Variants in CDH8 observed in about 807,000 individuals in gnomAD.
CDH8 encodes the protein cadherin-8.
A neutral mutation model predicts 68.1 loss-of-function variants in CDH8; 17 were observed. The ratio of observed to expected loss-of-function variants is 0.25; its 90% CI spans 0.17 to 0.37. CDH8 has a LOEUF of 0.37. Ranked by LOEUF, CDH8 falls within the 10% of genes least tolerant of loss-of-function variation. The pLI is 1.00. For missense variants in CDH8, 763 were observed against 999.3 expected, an observed-to-expected ratio of 0.76 and a Z score of 3.19; for synonymous variants, 372 against 365.1, an observed-to-expected ratio of 1.02 and a Z score of -0.21.
At chr16:61,736,965 C>T (rs1168311577) in intron 8 of CDH8, among the ~76,000 whole-genome samples, 1 of 152,138 alleles carries the variant, frequency 6.6e-6, no homozygotes, top group Non-Finnish European at 1.5e-5. Flanking sequence ...ATCAATTGGT[C>T]ACAAAAGTCA....
intron 10 of CDH8, among the ~76,000 whole-genome samples, chr16:61,699,762 A>T (rs774008999): frequency 3.3e-5 from 5 of 151,936 alleles, no homozygotes; most frequent in African/African-American, 9.7e-5. Flanking sequence ...TTTAGCAGAG[A>T]TGGGGGTTTC....
chr16:61,890,712 A>T (rs1963760498), intron 3 of CDH8, among the ~76,000 whole-genome samples: 1 of 152,274 alleles, frequency 6.6e-6, no homozygotes, highest in African/African-American at 2.4e-5. Context: ...TACCAATATT[A>T]TCCCTTGTGA....
At chr16:61,963,936 C>T (rs1965201921) in intron 2 of CDH8, among the ~76,000 whole-genome samples, 1 of 152,186 alleles carries the variant, frequency 6.6e-6, no homozygotes, top group African/African-American at 2.4e-5. Context: ...GGCTCTCGGG[C>T]ATTTCTCTCT....
intron 10 of CDH8, chr16:61,692,826 C>G (rs1257191230): frequency 6.6e-6 from 1 of 152,026 alleles, no homozygotes; most frequent in Non-Finnish European, 1.5e-5. Context: ...AAGCTTTGAG[C>G]AAATGCTGGA....
intron 2 of CDH8, among the ~76,000 whole-genome samples, chr16:61,912,576 T>C (rs1339381695): frequency 1.3e-5 from 2 of 152,108 alleles, no homozygotes; most frequent in Non-Finnish European, 2.9e-5. Flanking sequence ...GAGGAATGTA[T>C]GGGTGGATGA....
intron 2 of CDH8, among the ~76,000 whole-genome samples, chr16:61,988,767 C>T (rs1369546445): frequency 2.6e-5 from 4 of 152,082 alleles, no homozygotes; most frequent in Non-Finnish European, 4.4e-5. Context: ...ATAAGTGAAT[C>T]CTTTGAGACC....
intron 1 of CDH8, among the ~76,000 whole-genome samples, chr16:62,032,524 G>GT (rs1312527415): frequency 1.3e-5 from 2 of 152,210 alleles, no homozygotes; most frequent in East Asian, 3.9e-4. Flanking sequence ...AAAGAAAATT[G>GT]TTTTTCTCCA....
At chr16:61,981,648 ATGTGTGTGTG>A (rs750036103) in intron 2 of CDH8, among the ~76,000 whole-genome samples, 31 of 146,720 alleles carry the variant, frequency 2.1e-4, no homozygotes, top group African/African-American at 6.8e-4. Context: ...CTTGAAAAGA[ATGTGTGTGTG>A]TGTGTGTGTG....
chr16:61,726,758 T>C (rs1200642314), intron 9 of CDH8: 4 of 368,670 alleles, frequency 1.1e-5, no homozygotes, highest in Non-Finnish European at 1.9e-5. Flanking sequence ...GGTTTTACCT[T>C]GCTTCTTGTC....
chr16:61,965,084 T>C (rs1965223984), intron 2 of CDH8, among the ~76,000 whole-genome samples: 1 of 152,160 alleles, frequency 6.6e-6, no homozygotes, highest in African/African-American at 2.4e-5. Context: ...GTTCATCCTC[T>C]GGCTTTGGGG....
intron 8 of CDH8, among the ~76,000 whole-genome samples, chr16:61,745,840 T>C (rs1255259744): frequency 1.3e-5 from 2 of 152,106 alleles, no homozygotes; most frequent in Admixed American, 1.3e-4. Flanking sequence ...TATTGTCTTT[T>C]TTCTGACTGT....
rs77128564 is a variant in CDH8 at position 61,889,151 on chromosome 16, C to T, written c.547+12028G>A. On this transcript the variant is annotated intron_variant, in intron 3 of 11. Transcript: ENST00000577390. Reference sequence around the variant, plus strand: ...CATAGCTATATATTTTCACCTGCAGCCTCATGTTGTAAATATCTGTTGTCT... The same window carrying T: ...CATAGCTATATATTTTCACCTGCAGTCTCATGTTGTAAATATCTGTTGTCT... 2.4e-4 allele frequency among the ~76,000 whole-genome samples: 37 copies of T among 152,186 alleles called. No homozygotes were observed. In the East Asian group the frequency reaches 7.2e-3, roughly 29 times the overall value.
At chr16:61,736,353 A>C (rs1390542662) in intron 8 of CDH8, among the ~76,000 whole-genome samples, 1 of 152,178 alleles carries the variant, frequency 6.6e-6, no homozygotes, top group African/African-American at 2.4e-5. Context: ...TATGGCAATG[A>C]GCCAGATATA....
At chr16:61,783,966 C>G (rs1449338249) in intron 8 of CDH8, among the ~76,000 whole-genome samples, 1 of 152,170 alleles carries the variant, frequency 6.6e-6, no homozygotes, top group Non-Finnish European at 1.5e-5. Flanking sequence ...CAACCGGTAC[C>G]AGCTGCTGCA....
intron 2 of CDH8, among the ~76,000 whole-genome samples, chr16:62,000,700 T>C (rs895593951): frequency 2.6e-5 from 4 of 152,192 alleles, no homozygotes; most frequent in African/African-American, 9.6e-5. Context: ...ATAAAGCCTT[T>C]GGCCAAAATG....
chr16:61,984,160 C>T (rs1264838796), intron 2 of CDH8, among the ~76,000 whole-genome samples: 1 of 151,982 alleles, frequency 6.6e-6, no homozygotes. Context: ...CCTGGTGATC[C>T]GCCCACCTCG....
chr16:61,663,504 C>A (rs542286007), intron 10 of CDH8, among the ~76,000 whole-genome samples: 103 of 151,970 alleles, frequency 6.8e-4, no homozygotes, highest in African/African-American at 2.4e-3. Flanking sequence ...ATATAAGCCC[C>A]TTGAGGCCGA....
intron 3 of CDH8, among the ~76,000 whole-genome samples, chr16:61,882,040 C>T (rs1203728154): frequency 6.6e-6 from 1 of 152,102 alleles, no homozygotes; most frequent in East Asian, 1.9e-4. Flanking sequence ...TAGAATTAAT[C>T]AAGAATATAT....
chr16:61,834,256 T>C (rs1200555477), intron 4 of CDH8, among the ~76,000 whole-genome samples: 1 of 151,842 alleles, frequency 6.6e-6, no homozygotes, highest in Non-Finnish European at 1.5e-5. Flanking sequence ...ACAGAGCCAC[T>C]AAGTGTGTGT....
Sources: gnomAD v4.1 joint callset for allele counts (sites outside exome capture counted in the v4.1 genomes callset) on GRCh38, gnomAD v4.1.1 for gene constraint, MANE v1.5 for transcripts, NCBI Gene and HGNC (gene_info 2026-07-23, HGNC 2026-07-21) for gene names.